PVT1: variants seen among roughly 807,000 people sequenced by gnomAD.
The protein encoded by PVT1 is CXCR4/PVT1 fusion.
At chr8:127,952,611 TAA>T (rs1318465925) in intron 3 of PVT1, among the ~76,000 whole-genome samples, 2 of 152,232 alleles carry the variant, frequency 1.3e-5, no homozygotes, top group Non-Finnish European at 2.9e-5. Flanking sequence ...TATTTTGTGC[TAA>T]GTCTTTTTTC....
chr8:128,060,234 C>T (rs56115834), intron 4 of PVT1, among the ~76,000 whole-genome samples: 5,533 of 152,140 alleles, frequency 0.036, 182 homozygotes, highest in East Asian at 0.17. Context: ...CCAGCCTGGG[C>T]GACAGAGTGA....
chr8:128,084,191 A>G (rs1015931267), intron 5 of PVT1, among the ~76,000 whole-genome samples: 1 of 152,166 alleles, frequency 6.6e-6, no homozygotes, highest in Non-Finnish European at 1.5e-5. Context: ...CTCATCTCAG[A>G]TTAAAATCCT....
intron 3 of PVT1, among the ~76,000 whole-genome samples, chr8:127,911,646 G>A (rs1249081155): frequency 2.6e-5 from 4 of 152,210 alleles, no homozygotes; most frequent in East Asian, 1.9e-4. Flanking sequence ...TGAGGAAACC[G>A]TGGCCCAGGG....
chr8:127,997,283 C>A (rs757884694), intron 4 of PVT1, among the ~76,000 whole-genome samples: 11 of 151,892 alleles, frequency 7.2e-5, no homozygotes, highest in Non-Finnish European at 1.3e-4. Context: ...TCAGGTGATC[C>A]GTCTGCCTCA....
intron 4 of PVT1, among the ~76,000 whole-genome samples, chr8:128,030,623 G>C (rs1281504353): frequency 6.6e-6 from 1 of 152,184 alleles, no homozygotes; most frequent in African/African-American, 2.4e-5. Context: ...CCAAGGCAGA[G>C]TCAACAAGAA....
At chr8:127,884,474 C>A (rs1368576145) in intron 2 of PVT1, among the ~76,000 whole-genome samples, 2 of 152,192 alleles carry the variant, frequency 1.3e-5, no homozygotes, top group Non-Finnish European at 2.9e-5. Context: ...CATATCTGTG[C>A]ATTGATACCA....
At chr8:128,076,383 C>G (rs904033016) in intron 5 of PVT1, among the ~76,000 whole-genome samples, 5 of 152,172 alleles carry the variant, frequency 3.3e-5, no homozygotes, top group African/African-American at 1.2e-4. Context: ...CAGCCCAGAG[C>G]TCTGAGCTGA....
At chr8:127,988,272 G>T (rs1050621478) in intron 3 of PVT1, among the ~76,000 whole-genome samples, 11 of 152,228 alleles carry the variant, frequency 7.2e-5, no homozygotes, top group Non-Finnish European at 1.6e-4. Flanking sequence ...TTCTGAGTTT[G>T]TGCTGACTAA....
intron 2 of PVT1, among the ~76,000 whole-genome samples, chr8:127,849,163 T>A (rs1815075175): frequency 6.6e-6 from 1 of 151,252 alleles, no homozygotes; most frequent in Admixed American, 6.6e-5. Flanking sequence ...GGGAAGGGGG[T>A]TAGAGAGTAG....
At chr8:128,043,801 CACAT>C (rs369207996) in intron 4 of PVT1, among the ~76,000 whole-genome samples, 8 of 135,008 alleles carry the variant, frequency 5.9e-5, no homozygotes, top group African/African-American at 1.9e-4. Context: ...CACACACACA[CACAT>C]ACACAAGGAG....
At chr8:128,090,848 A>G (rs1023847687) in intron 5 of PVT1, among the ~76,000 whole-genome samples, 1 of 151,988 alleles carries the variant, frequency 6.6e-6, no homozygotes, top group African/African-American at 2.4e-5. Context: ...TAGGCTCCTA[A>G]ATATTTTTTT....
At chr8:128,034,028 G>T (rs1813430233) in intron 4 of PVT1, among the ~76,000 whole-genome samples, 1 of 151,568 alleles carries the variant, frequency 6.6e-6, no homozygotes, top group African/African-American at 2.4e-5. Flanking sequence ...GCCGAGCTGT[G>T]AGCTTACAGG....
At chr8:128,027,268 G>A (rs1813314630) in intron 4 of PVT1, among the ~76,000 whole-genome samples, 1 of 152,176 alleles carries the variant, frequency 6.6e-6, no homozygotes. Flanking sequence ...ACTAACAGTG[G>A]CTCCCCTTAG....
intron 2 of PVT1, among the ~76,000 whole-genome samples, chr8:127,871,228 A>G (rs566312227): frequency 7.9e-5 from 12 of 152,352 alleles, no homozygotes; most frequent in African/African-American, 2.9e-4. Context: ...GACACTGCGT[A>G]TAAGTGACAC....
chr8:127,997,026 C>G lies in PVT1; in HGVS notation n.912+7735C>G, dbSNP rs144241463. 5.7e-3 allele frequency among the ~76,000 whole-genome samples: 844 copies of G among 147,838 alleles called. 10 individuals are homozygous for G. The highest frequency in any genetic ancestry group is 0.021 in the African/African-American group (817 of 39,816). On this transcript the variant is annotated intron_variant and non_coding_transcript_variant, in intron 4 of 10. Coordinates refer to ENST00000651587, the Ensembl canonical transcript of PVT1. ...CCCATGGGCACTGAACTGGAACATT[C>G]ACTGGTCATTTGCTTTCGTTTTTTT...
chr8:127,936,153 G>A (rs1459303613), intron 3 of PVT1, among the ~76,000 whole-genome samples: 3 of 150,412 alleles, frequency 2.0e-5, no homozygotes, highest in African/African-American at 4.9e-5. Context: ...CCAGGTTCAA[G>A]TGATTCTCTT....
intron 3 of PVT1, among the ~76,000 whole-genome samples, chr8:127,903,637 G>A (rs1286540836): frequency 2.6e-5 from 4 of 152,142 alleles, no homozygotes; most frequent in African/African-American, 7.2e-5. Context: ...ATTTTCTTCT[G>A]CATATGGATA....
intron 2 of PVT1, among the ~76,000 whole-genome samples, chr8:127,850,431 T>C (rs911998876): frequency 6.6e-6 from 1 of 152,210 alleles, no homozygotes; most frequent in Non-Finnish European, 1.5e-5. Context: ...TTGGTTATGA[T>C]GCCACGGCCC....
At chr8:127,995,863 C>T (rs531462799) in intron 4 of PVT1, among the ~76,000 whole-genome samples, 4 of 152,082 alleles carry the variant, frequency 2.6e-5, no homozygotes, top group African/African-American at 9.6e-5. Context: ...GTATGTGAAG[C>T]GCATATTGGT....
Sources: gnomAD v4.1 joint callset for allele counts (sites outside exome capture counted in the v4.1 genomes callset) on GRCh38, gnomAD v4.1.1 for gene constraint, MANE v1.5 for transcripts, NCBI Gene and HGNC (gene_info 2026-07-23, HGNC 2026-07-21) for gene names.